GLT1D1: variants seen among roughly 807,000 people sequenced by gnomAD.
GLT1D1 encodes the protein glycosyltransferase 1 domain-containing protein 1.
In GLT1D1, 21 loss-of-function variants were observed where a neutral mutation model predicts 28.7. The ratio of observed to expected loss-of-function variants is 0.73; its 90% CI spans 0.52 to 1.05. The LOEUF is 1.05. GLT1D1 is among the 50% of genes least tolerant of loss of function. GLT1D1 has a pLI of 0.00. For missense variants in GLT1D1, 343 were observed against 330.6 expected (o/e 1.04, Z -0.29); for synonymous variants, 147 against 124.8 (o/e 1.18, Z -1.19).
chr12:128,975,947 G>A (rs980311285), intron 7 of GLT1D1, among the ~76,000 whole-genome samples: 1 of 152,212 alleles, frequency 6.6e-6, no homozygotes, highest in Non-Finnish European at 1.5e-5. Context: ...ACCCGATGCA[G>A]GAGCTACTGG....
At position 128,881,237 on chromosome 12, in the gene GLT1D1, A is replaced by C. The variant is rs1199329970; in HGVS notation, c.217+5175A>C. On this transcript the variant is annotated intron_variant, in intron 2 of 7. Transcript: ENST00000281703. ...AGACTCCGTTTCAAAAAAAAAAAAA[A>C]AAAAAAACTATAGTCCAGGCGCGGT... Among the ~76,000 whole-genome samples the C allele has an allele frequency of 9.4e-5, 14 of 148,862 alleles. No individual in the cohort carries two copies. In the South Asian group the frequency reaches 1.9e-3, roughly 20 times the overall value.
rs11059999 is a variant in GLT1D1, at chr12:128,896,235, T to C, written c.324-3001T>C. ...TGTGGGATTAAGGGAGTAGTTTTTA[T>C]AATGAGTAGAGGAGAAAATAATGAT... is the stretch of plus-strand genomic sequence containing the variant. On this transcript the variant is annotated intron_variant, in intron 3 of 7. Transcript: ENST00000281703. 4.6e-3 allele frequency among the ~76,000 whole-genome samples: 700 copies of C among 152,206 alleles called. 30 individuals carry two copies. The East Asian group carries it at 0.1, about 22-fold the overall frequency.
chr12:128,907,631 A>G (rs1309668497), intron 4 of GLT1D1, among the ~76,000 whole-genome samples: 1 of 152,154 alleles, frequency 6.6e-6, no homozygotes, highest in African/African-American at 2.4e-5. Context: ...AGCTTCTATG[A>G]AGGTGAGCCC....
In GLT1D1 at chr12:128,957,602, G is replaced by C. The variant is rs757957708; in HGVS notation, c.598G>C (p.Val200Leu). ...GAACATCCCCGGGAATGCTGCCGTG[G>C]TGAAGCATGAAGTCACAGGGCTACT... is the stretch of plus-strand genomic sequence containing the variant. The change falls in exon 7 of 8, where the codon GTG becomes CTG. Residue 200 changes from valine to leucine, a missense_variant. Transcript: ENST00000281703. 4.3e-6 allele frequency: 7 copies of C among 1,613,790 alleles called. No homozygotes were observed. The highest frequency in any genetic ancestry group is 5.9e-6 in the Non-Finnish European group (7 of 1,179,804).
chr12:128,853,589 T>A lies in GLT1D1; in HGVS notation c.8T>A (p.Leu3His). The stretch of plus-strand genomic sequence containing the variant: ...CCGGGCGGCGGCGGCGGCATGCGGC[T>A]CCTGTTCCTGGCGGTGCTGCGGCCA... The change falls in exon 1 of 8, where the codon CTC becomes CAC. Residue 3 changes from leucine to histidine, a missense_variant. Leu to His is a moderately conservative substitution (Grantham distance 99). Coordinates refer to ENST00000281703, the MANE Select transcript of GLT1D1 (RefSeq NM_144669.3). 1 of 1,153,066 alleles carries A rather than the reference T, an allele frequency of 8.7e-7. No homozygotes were observed. Among genetic ancestry groups the A allele is most frequent in the Non-Finnish European group, 1.1e-6 (1 of 928,524 alleles). The allele number at this position is 1,153,066 out of a possible 1,614,324, so 71.4% of individuals were successfully genotyped here. A position where few individuals can be genotyped will look rare whatever the true frequency, so the allele number is the denominator to read the frequency against.
At chr12:128,949,591 A>G (rs1876475085) in intron 6 of GLT1D1, among the ~76,000 whole-genome samples, 1 of 152,176 alleles carries the variant, frequency 6.6e-6, no homozygotes, top group South Asian at 2.1e-4. Flanking sequence ...CAAAAATCAA[A>G]CTTTAGCTGG....
intron 1 of GLT1D1, among the ~76,000 whole-genome samples, chr12:128,861,460 C>T (rs143986344): frequency 6.6e-5 from 10 of 152,082 alleles, no homozygotes; most frequent in African/African-American, 2.4e-4. Context: ...TGGGGAAATG[C>T]GTGAAGATGG....
intron 1 of GLT1D1, 56 bp from the exon 2 acceptor site, chr12:128,875,858 G>A: frequency 6.8e-7 from 1 of 1,471,176 alleles, no homozygotes; most frequent in Non-Finnish European, 9.3e-7. Flanking sequence ...GCAGCAACCT[G>A]TTACATATTA....
rs1009158448 is a variant in GLT1D1, at chr12:128,984,313, A to G, written c.*1223A>G. The G allele has an allele frequency of 7.3e-5, 11 of 150,534 alleles. No homozygotes were observed. The highest frequency in any genetic ancestry group is 2.7e-4 in the African/African-American group (11 of 41,026). 9.3% of individuals were successfully genotyped at this position (150,534 alleles called of 1,614,324 possible). A position where few individuals can be genotyped will look rare whatever the true frequency, so the allele number is the denominator to read the frequency against. ...CAAGTTTTAGGATGTCTGAACTTTCAGCTTTCATGTTTTCAACCATCATTT... is the reference window on the plus strand; with the variant it reads ...CAAGTTTTAGGATGTCTGAACTTTCGGCTTTCATGTTTTCAACCATCATTT... On this transcript the variant is annotated 3_prime_UTR_variant, in exon 8 of 8. Coordinates refer to ENST00000281703, the MANE Select transcript of GLT1D1 (RefSeq NM_144669.3).
chr12:128,977,541 GGAAAA>G (rs1214160394), intron 7 of GLT1D1, among the ~76,000 whole-genome samples: 1 of 151,980 alleles, frequency 6.6e-6, no homozygotes, highest in African/African-American at 2.4e-5. Context: ...GACCTCTCTT[GGAAAA>G]GAAAAGAAAT....
intron 4 of GLT1D1, chr12:128,944,259 C>T (rs1294517508): frequency 1.7e-6 from 1 of 579,950 alleles, no homozygotes; most frequent in Non-Finnish European, 3.2e-6. Context: ...TAGTTCCACA[C>T]ATTTCTCCTT....
Position 128,983,049 on chromosome 12 carries a change from C to A in GLT1D1, c.760C>A (p.Gln254Lys), listed in dbSNP as rs755191964. The A allele has an allele frequency of 1.2e-6, 2 of 1,614,100 alleles. No homozygotes were observed. The highest frequency in any genetic ancestry group is 1.7e-6 in the Non-Finnish European group (2 of 1,180,010). ...ATGGCAGGTGGAAAGAGACACCTACCAACAGCTCATCAGGAAGCTGGAAGG... is the reference window on the plus strand; with the variant it reads ...ATGGCAGGTGGAAAGAGACACCTACAAACAGCTCATCAGGAAGCTGGAAGG... The change falls in exon 8 of 8, where the codon CAA becomes AAA. Residue 254 changes from glutamine to lysine, a missense_variant. Transcript: ENST00000281703. The surrounding 1 kb of genome is among the most constrained non-coding windows in gnomAD (Gnocchi z 4.7).
intron 7 of GLT1D1, among the ~76,000 whole-genome samples, chr12:128,981,009 G>C (rs1001695593): frequency 6.6e-6 from 1 of 152,172 alleles, no homozygotes; most frequent in South Asian, 2.1e-4. Context: ...GCAGATTCCC[G>C]ATGCAGCCAC....
At chr12:128,967,641 G>T (rs1878584249) in intron 7 of GLT1D1, among the ~76,000 whole-genome samples, 1 of 152,224 alleles carries the variant, frequency 6.6e-6, no homozygotes. Context: ...CCCACAGCAG[G>T]ATTCCCACCC....
intron 4 of GLT1D1, among the ~76,000 whole-genome samples, chr12:128,938,095 C>A (rs1439561057): frequency 1.3e-5 from 2 of 152,148 alleles, no homozygotes; most frequent in Admixed American, 6.5e-5. Flanking sequence ...ACAAATTCAG[C>A]CCCAGGAGTC....
At chr12:128,876,395 G>A (rs144142654) in intron 2 of GLT1D1, among the ~76,000 whole-genome samples, 283 of 152,112 alleles carry the variant, frequency 1.9e-3, no homozygotes, top group Non-Finnish European at 3.5e-3. Context: ...TGCAACCTCC[G>A]CTTCCTGGGC....
chr12:128,870,758 G>A (rs1384957791), intron 1 of GLT1D1, among the ~76,000 whole-genome samples: 1 of 152,174 alleles, frequency 6.6e-6, no homozygotes, highest in Non-Finnish European at 1.5e-5. Context: ...TTGGGAGGCT[G>A]AGGCAGGCGG....
intron 1 of GLT1D1, chr12:128,864,122 G>A (rs770500179): frequency 3.9e-5 from 26 of 670,142 alleles, no homozygotes; most frequent in Non-Finnish European, 6.2e-5. Flanking sequence ...ATGCCAGCTC[G>A]GCTGGGGCAG....
intron 2 of GLT1D1, among the ~76,000 whole-genome samples, chr12:128,884,195 A>G (rs1265354451): frequency 3.9e-5 from 6 of 151,958 alleles, no homozygotes; most frequent in African/African-American, 1.5e-4. Context: ...GATACAGAAA[A>G]TGGGGTATAT....
Sources: gnomAD v4.1 joint callset for allele counts (sites outside exome capture counted in the v4.1 genomes callset) on GRCh38, gnomAD v4.1.1 for gene constraint, Gnocchi (gnomAD v3.1) non-coding constraint, MANE v1.5 for transcripts, NCBI Gene and HGNC (gene_info 2026-07-23, HGNC 2026-07-21) for gene names.